LYST: variants seen among roughly 807,000 people sequenced by gnomAD.
LYST encodes the protein lysosomal-trafficking regulator.
Under a neutral mutation model 413.6 loss-of-function variants are expected in LYST, and 192 were observed. The ratio of observed to expected loss-of-function variants is 0.46; its 90% CI spans 0.41 to 0.52. The LOEUF is 0.52. Ranked by LOEUF, LYST falls within the 20% of genes least tolerant of loss-of-function variation. The pLI is 0.00. For synonymous variants in LYST, 1,525 were observed against 1,567.3 expected, an observed-to-expected ratio of 0.97 and a Z score of 0.64; for missense variants, 3,815 against 4,499.9, an observed-to-expected ratio of 0.85 and a Z score of 4.35.
rs932110883 is a variant in LYST, at chr1:235,791,492, T to C, written c.4543+207A>G. 3 of 548,210 alleles carry C rather than the reference T, an allele frequency of 5.5e-6. No individual in the cohort carries two copies. In the African/African-American group the frequency reaches 5.7e-5, roughly 10 times the overall value. The allele number at this position is 548,210 out of a possible 1,614,324, so 34.0% of individuals were successfully genotyped here. On this transcript the variant is annotated intron_variant, in intron 12 of 52. Transcript: ENST00000389793. ...ATATGTGGTGTCCCCTTCACCCCTA[T>C]AAAAAACTAAAGTTTCCGTAATAGA...
intron 26 of LYST, 38 bp downstream of exon 26, chr1:235,753,006 T>A: frequency 3.6e-6 from 4 of 1,109,784 alleles, no homozygotes; most frequent in Non-Finnish European, 5.4e-6. Flanking sequence ...TCTAAAGTAT[T>A]TATCAGATGT....
Position 235,793,627 on chromosome 1 carries a change from G to C in LYST, c.4007-15C>G. ...TCTCTGGCATGCTAAATTAAAGAAAGAGGGAAAAAATTAAAGCTAGTACAC... is the reference window on the plus strand; with the variant it reads ...TCTCTGGCATGCTAAATTAAAGAAACAGGGAAAAAATTAAAGCTAGTACAC... On this transcript the variant is annotated splice_polypyrimidine_tract_variant and intron_variant, in intron 10 of 52. Coordinates refer to ENST00000389793, the MANE Select transcript of LYST (RefSeq NM_000081.4). 1 of 1,419,778 alleles carries C rather than the reference G, an allele frequency of 7.0e-7. No homozygotes were observed. Among genetic ancestry groups the C allele is most frequent in the African/African-American group, 1.4e-5 (1 of 71,188 alleles). The allele number at this position is 1,419,778 out of a possible 1,614,324, so 87.9% of individuals were successfully genotyped here.
chr1:235,683,732 A>C (rs1473776095), intron 48 of LYST, among the ~76,000 whole-genome samples: 1 of 152,174 alleles, frequency 6.6e-6, no homozygotes, highest in Non-Finnish European at 1.5e-5. Context: ...GGAGAACATG[A>C]ACACTTTTAA....
At chr1:235,795,525 A>G (rs533779219) in intron 10 of LYST, among the ~76,000 whole-genome samples, 18 of 152,154 alleles carry the variant, frequency 1.2e-4, no homozygotes, top group Non-Finnish European at 2.2e-4. Context: ...CCTATATGTG[A>G]AAGATGCATT....
rs770348264 is a variant in LYST, at chr1:235,724,195, T to G, written c.9163-15A>C. On this transcript the variant is annotated splice_polypyrimidine_tract_variant and intron_variant, in intron 38 of 52. Coordinates refer to ENST00000389793, the MANE Select transcript of LYST (RefSeq NM_000081.4). Reference sequence around the variant, plus strand: ...CCCTGAAGGCTCTAAGACAAAGAAATAGGCAAAAATATTTGTTTTACCGGA... The same window carrying G: ...CCCTGAAGGCTCTAAGACAAAGAAAGAGGCAAAAATATTTGTTTTACCGGA... The G allele has an allele frequency of 6.2e-7, 1 of 1,601,998 alleles. No individual in the cohort carries two copies. Among genetic ancestry groups the G allele is most frequent in the African/African-American group, 1.3e-5 (1 of 74,698 alleles).
At chr1:235,857,033 C>A (rs1052212234) in intron 1 of LYST, among the ~76,000 whole-genome samples, 5 of 151,232 alleles carry the variant, frequency 3.3e-5, no homozygotes, top group African/African-American at 1.2e-4. Context: ...GCAGCCTCCA[C>A]CTCCTAGGTT....
At chr1:235,711,598 T>C (rs1662407432) in intron 43 of LYST, among the ~76,000 whole-genome samples, 1 of 152,214 alleles carries the variant, frequency 6.6e-6, no homozygotes, top group Non-Finnish European at 1.5e-5. Flanking sequence ...ACAGAAAATT[T>C]GATTTTATAC....
chr1:235,782,997 A>C lies in LYST; in HGVS notation c.4863-910T>G, dbSNP rs138960509. 1.5e-4 allele frequency among the ~76,000 whole-genome samples: 23 copies of C among 152,330 alleles called. No individual in the cohort carries two copies. In the East Asian group the frequency reaches 4.2e-3, roughly 28 times the overall value. On this transcript the variant is annotated intron_variant, in intron 14 of 52. Transcript: ENST00000389793. Reference sequence around the variant, plus strand: ...AAGACAGTACTGGAAAAGGCAAAATAAGGCTTTCTCACAGAAAGACACACA... The same window carrying C: ...AAGACAGTACTGGAAAAGGCAAAATCAGGCTTTCTCACAGAAAGACACACA...
At chr1:235,769,367 A>G (rs1333664885) in intron 20 of LYST, among the ~76,000 whole-genome samples, 1 of 152,098 alleles carries the variant, frequency 6.6e-6, no homozygotes, top group Non-Finnish European at 1.5e-5. Flanking sequence ...GCCAGATCAT[A>G]TAAGCCTTCT....
At chr1:235,710,969 C>A (rs983004274) in intron 43 of LYST, among the ~76,000 whole-genome samples, 1 of 152,220 alleles carries the variant, frequency 6.6e-6, no homozygotes, top group Non-Finnish European at 1.5e-5. Flanking sequence ...AAGGCTTCAT[C>A]TCCTGCCTGT....
chr1:235,809,225 G>C lies in LYST; in HGVS notation c.1593C>G (p.Asn531Lys), dbSNP rs1445536389. 19 of 1,613,742 alleles carry C rather than the reference G, an allele frequency of 1.2e-5. No individual in the cohort carries two copies. Among genetic ancestry groups the C allele is most frequent in the Non-Finnish European group, 1.6e-5 (19 of 1,179,968 alleles). Residue 531 changes from asparagine (N) to lysine (K), a missense_variant, in exon 5 of 53, where the codon AAC becomes AAG. By Grantham distance (94) the Asn-to-Lys change is moderately conservative (BLOSUM62 0). Around this residue, in one of 4 missense-constraint regions of LYST, gnomAD observed 1,648 missense variants for 1,810.3 expected, o/e 0.91. Transcript: ENST00000389793. The surrounding 1 kb of genome is among the most constrained non-coding windows in gnomAD (Gnocchi z 4.0). ...VSAFKNQVSK[N>K]PFEETADGDV... ...CTCCATCTGCAGTCTCTTCAAATGG[G>C]TTTTTGGAAACCTGGTTTTTAAAAG...
chr1:235,819,279 A>G (rs551552105), intron 3 of LYST, among the ~76,000 whole-genome samples: 12 of 152,254 alleles, frequency 7.9e-5, no homozygotes, highest in Admixed American at 6.5e-4. Flanking sequence ...TTTTTTATTA[A>G]TATCTGGGTA....
chr1:235,682,074 G>A (rs1269538604), intron 48 of LYST, among the ~76,000 whole-genome samples: 1 of 152,170 alleles, frequency 6.6e-6, no homozygotes, highest in Non-Finnish European at 1.5e-5. Context: ...ACTTTGGGAG[G>A]CTGAGGCAGG....
intron 14 of LYST, among the ~76,000 whole-genome samples, chr1:235,782,317 C>T (rs537639160): frequency 7.6e-4 from 115 of 151,918 alleles, no homozygotes; most frequent in Non-Finnish European, 1.3e-3. Context: ...TACAGGTGCC[C>T]GCCACCAGGC....
At chr1:235,837,392 G>A (rs1676686137) in intron 1 of LYST, among the ~76,000 whole-genome samples, 1 of 152,236 alleles carries the variant, frequency 6.6e-6, no homozygotes, top group East Asian at 1.9e-4. Flanking sequence ...CTTTGGGAAG[G>A]TGAGGTAGGC....
In LYST at chr1:235,787,339, C is replaced by T. The variant is rs749491660; in HGVS notation, c.4723G>A (p.Val1575Ile). ...CMDSNDDMKA[V>I]LLAQVESQEN... ...TGTGATTCAACCTGTGCTAGTAAAA[C>T]AGCTTTCATGTCATCATTTGAATCC... Residue 1575 changes from valine (V) to isoleucine (I), a missense_variant, in exon 14 of 53, where the codon GTT becomes ATT. Physicochemically the swap from Val to Ile is conservative, Grantham distance 29. Transcript: ENST00000389793. 2.5e-6 allele frequency: 4 copies of T among 1,613,702 alleles called. No individual in the cohort carries two copies. Among genetic ancestry groups the T allele is most frequent in the African/African-American group, 2.7e-5 (2 of 74,894 alleles).
At chr1:235,699,713 T>C (rs1661396989) in intron 45 of LYST, among the ~76,000 whole-genome samples, 1 of 152,240 alleles carries the variant, frequency 6.6e-6, no homozygotes, top group Non-Finnish European at 1.5e-5. Context: ...AAAGCGTTCC[T>C]ATTTCTCCAC....
chr1:235,791,140 A>G (rs902725739), intron 12 of LYST, among the ~76,000 whole-genome samples: 1 of 152,040 alleles, frequency 6.6e-6, no homozygotes, highest in Non-Finnish European at 1.5e-5. Context: ...AAAATTAGCC[A>G]GGTGTGATTG....
intron 1 of LYST, among the ~76,000 whole-genome samples, chr1:235,876,285 CA>C (rs1357500404): frequency 6.6e-6 from 1 of 151,854 alleles, no homozygotes; most frequent in African/African-American, 2.4e-5. Context: ...CCCACATGGC[CA>C]AAAAAACAAA....
Sources: gnomAD v4.1 joint callset for allele counts (sites outside exome capture counted in the v4.1 genomes callset) on GRCh38, gnomAD v4.1.1 for gene constraint, gnomAD v4.1.1 regional missense constraint, Gnocchi (gnomAD v3.1) non-coding constraint, MANE v1.5 for transcripts, NCBI Gene and HGNC (gene_info 2026-07-23, HGNC 2026-07-21) for gene names.